TMPRSS9: variants seen among roughly 807,000 people sequenced by gnomAD.
The protein encoded by TMPRSS9 is transmembrane serine protease 9, also known as transmembrane protease serine 9.
In TMPRSS9, 113 loss-of-function variants were observed where a neutral mutation model predicts 111.4. The ratio of observed to expected loss-of-function variants is 1.01; its 90% CI spans 0.87 to 1.19. TMPRSS9 has a LOEUF of 1.19. TMPRSS9 is among the 50% of genes most tolerant of loss of function. TMPRSS9 has a pLI of 0.00. For missense variants in TMPRSS9, 1,803 were observed against 1,513.1 expected, an observed-to-expected ratio of 1.19 and a Z score of -3.18; for synonymous variants, 805 against 659.1, an observed-to-expected ratio of 1.22 and a Z score of -3.39.
Position 2,411,862 on chromosome 19 carries a change from A to G in TMPRSS9, c.1254+1468A>G, listed in dbSNP as rs1286681590. Among the ~76,000 whole-genome samples, 3 of 152,142 alleles carry G rather than the reference A, an allele frequency of 2.0e-5. No homozygotes were observed. The East Asian group carries it at 5.8e-4, about 29-fold the overall frequency. Reference sequence around the variant, plus strand: ...CCACCAGGCCCGGCCGACAATTATAATTTTTGTTTTCAAGGTGTCTCATTC... The same window carrying G: ...CCACCAGGCCCGGCCGACAATTATAGTTTTTGTTTTCAAGGTGTCTCATTC... On this transcript the variant is annotated intron_variant, in intron 9 of 17. Transcript: ENST00000648592.
intron 11 of TMPRSS9, chr19:2,416,205 T>TC: frequency 2.4e-6 from 1 of 424,262 alleles, no homozygotes; most frequent in Middle Eastern, 6.2e-4. Context: ...GCCACTGCAC[T>TC]CCATCTGGGG....
intron 1 of TMPRSS9, among the ~76,000 whole-genome samples, chr19:2,369,033 C>A (rs148351469): frequency 0.033 from 4,896 of 149,324 alleles, 293 homozygotes; most frequent in African/African-American, 0.12. Flanking sequence ...CTCACTGTAA[C>A]CTCCACCTCC....
chr19:2,370,991 G>A (rs994135508), intron 1 of TMPRSS9, among the ~76,000 whole-genome samples: 1 of 152,040 alleles, frequency 6.6e-6, no homozygotes, highest in East Asian at 1.9e-4. Flanking sequence ...ACAATATTAT[G>A]TATCTTGATG....
chr19:2,399,708 T>C (rs1970789122), intron 4 of TMPRSS9, among the ~76,000 whole-genome samples: 1 of 152,140 alleles, frequency 6.6e-6, no homozygotes, highest in Non-Finnish European at 1.5e-5. Context: ...TCTTGTCTTC[T>C]CTTTTCTTTT....
At chr19:2,379,659 TTC>T (rs1555676564) in intron 1 of TMPRSS9, among the ~76,000 whole-genome samples, 1 of 149,820 alleles carries the variant, frequency 6.7e-6, no homozygotes, top group African/African-American at 2.5e-5. Flanking sequence ...CTTTCTTTCT[TTC>T]TTTCTTTCTT....
chr19:2,393,155 C>T (rs1272303482), intron 1 of TMPRSS9, among the ~76,000 whole-genome samples: 2 of 152,136 alleles, frequency 1.3e-5, no homozygotes, highest in Non-Finnish European at 1.5e-5. Flanking sequence ...GCAGCGGCAA[C>T]CGGCTTGGGG....
At chr19:2,394,625 A>G (rs1333277830) in intron 1 of TMPRSS9, among the ~76,000 whole-genome samples, 1 of 152,108 alleles carries the variant, frequency 6.6e-6, no homozygotes, top group Non-Finnish European at 1.5e-5. Flanking sequence ...GAGAAAACAT[A>G]CCGTTTTTAG....
chr19:2,409,348 T>A (rs113469635), intron 8 of TMPRSS9, among the ~76,000 whole-genome samples: 8,932 of 151,928 alleles, frequency 0.059, 340 homozygotes, highest in African/African-American at 0.096. Context: ...TTCACCGTGT[T>A]GGCCGGGCTG....
At chr19:2,417,122 G>A (rs1971258940) in intron 12 of TMPRSS9, among the ~76,000 whole-genome samples, 1 of 152,180 alleles carries the variant, frequency 6.6e-6, no homozygotes, top group South Asian at 2.1e-4. Flanking sequence ...TTGTGACAGA[G>A]ACTGGCCCTT....
chr19:2,388,552 C>T (rs936895121), upstream of TMPRSS9, among the ~76,000 whole-genome samples: 1 of 152,160 alleles, frequency 6.6e-6, no homozygotes. Context: ...GCCCACAGCT[C>T]GATGGTGAGC....
At chr19:2,405,634 T>G in intron 7 of TMPRSS9, 89 bp downstream of exon 8, 1 of 1,341,048 alleles carries the variant, frequency 7.5e-7, no homozygotes, top group South Asian at 1.9e-5. Flanking sequence ...TCTGGTTTCC[T>G]TAGAGCCCCT....
chr19:2,397,042 TC>T (rs1970725633), intron 2 of TMPRSS9, among the ~76,000 whole-genome samples: 1 of 151,686 alleles, frequency 6.6e-6, no homozygotes, highest in Non-Finnish European at 1.5e-5. Flanking sequence ...TGCCTCAGCC[TC>T]CCGAGTAGCT....
At chr19:2,410,447 T>C (rs1971072156) in intron 9 of TMPRSS9, 53 bp downstream of exon 10, 1 of 1,601,066 alleles carries the variant, frequency 6.2e-7, no homozygotes, top group Admixed American at 1.7e-5. Flanking sequence ...GACACGAGCA[T>C]GTTCAAATGC....
intron 4 of TMPRSS9, among the ~76,000 whole-genome samples, chr19:2,401,232 C>CCACTGCTCTCCAGCCTGGG (rs1471421484): frequency 1.3e-5 from 2 of 152,250 alleles, no homozygotes; most frequent in African/African-American, 4.8e-5. Flanking sequence ...CGAGATCGCG[C>CCACTGCTCTCCAGCCTGGG]CACTGCTCTC....
chr19:2,407,290 G>A (rs934750161), intron 7 of TMPRSS9, among the ~76,000 whole-genome samples: 1 of 151,860 alleles, frequency 6.6e-6, no homozygotes, highest in Non-Finnish European at 1.5e-5. Context: ...GGGAGGCTGA[G>A]GTGGGGGGAT....
At chr19:2,418,291 C>CTTTTCCTTTCCTCCT in intron 13 of TMPRSS9, among the ~76,000 whole-genome samples, 153 bp downstream of exon 14, 1 of 71,888 alleles carries the variant, frequency 1.4e-5, no homozygotes, top group South Asian at 4.5e-4. Flanking sequence ...TCCTTTCCTC[C>CTTTTCCTTTCCTCCT]TTTCCTTCCC....
exon 10 of TMPRSS9, chr19:2,413,747 C>G (rs761224951): frequency 6.2e-7 from 1 of 1,613,856 alleles, no homozygotes; most frequent in Non-Finnish European, 8.5e-7. Flanking sequence ...CTGGCCGGTT[C>G]TTTCTGGCTG....
upstream of TMPRSS9, among the ~76,000 whole-genome samples, chr19:2,385,069 G>A (rs1246555823): frequency 2.0e-5 from 3 of 151,638 alleles, no homozygotes; most frequent in African/African-American, 7.3e-5. Flanking sequence ...GCCGAGGCGG[G>A]CGGATTACCT....
At chr19:2,394,996 T>A (rs77649346) in intron 1 of TMPRSS9, among the ~76,000 whole-genome samples, 8,306 of 152,292 alleles carry the variant, frequency 0.055, 753 homozygotes, top group African/African-American at 0.19. Context: ...AACCAGTGCT[T>A]TCTGCCTGGC....
Sources: allele counts gnomAD v4.1 joint callset (sites outside exome capture counted in the v4.1 genomes callset), GRCh38; gene constraint gnomAD v4.1.1; transcripts MANE v1.5; gene names NCBI Gene and HGNC (gene_info 2026-07-23, HGNC 2026-07-21).